IHO1: variants seen among roughly 807,000 people sequenced by gnomAD.
The protein encoded by IHO1 is interactor of HORMAD1 1, also known as interactor of HORMAD1 protein 1.
Under a neutral mutation model 31.0 loss-of-function variants are expected in IHO1, and 13 were observed. The observed-to-expected ratio is 0.42, with a 90% CI of 0.27 to 0.67. The LOEUF (loss-of-function observed/expected upper bound fraction) is 0.67, where lower values mean the gene tolerates loss of function less well. Ranked by LOEUF, IHO1 falls within the 30% of genes least tolerant of loss-of-function variation. The probability of loss-of-function intolerance (pLI) is 0.24; values close to 1 mark genes in which losing one functional copy is unlikely to be tolerated. For synonymous variants in IHO1, 221 were observed against 248.4 expected, an observed-to-expected ratio of 0.89 and a Z score of 1.04; for missense variants, 599 against 687.5, an observed-to-expected ratio of 0.87 and a Z score of 1.44.
At chr3:49,191,675 C>T in the IHO1 span, 10 of 1,523,006 alleles carry the variant, frequency 6.6e-6, no homozygotes, top group Non-Finnish European at 9.0e-6. Flanking sequence ...ACTTCACCGG[C>T]ATGACTCAGT....
chr3:49,203,022 C>T (rs1033149976), intron 1 of IHO1, among the ~76,000 whole-genome samples: 9 of 151,942 alleles, frequency 5.9e-5, no homozygotes, highest in Non-Finnish European at 2.9e-5. Context: ...GCCACCGCGC[C>T]CGGCCAATTT....
At chr3:49,254,840 G>A (rs560937164) in intron 6 of IHO1, among the ~76,000 whole-genome samples, 7 of 152,216 alleles carry the variant, frequency 4.6e-5, no homozygotes. Flanking sequence ...GAGGCGGGCA[G>A]ATCACCGGAG....
chr3:49,211,642 T>G (rs2046218077), intron 1 of IHO1, 124 bp from the exon 2 acceptor site: 3 of 364,758 alleles, frequency 8.2e-6, no homozygotes, highest in Non-Finnish European at 1.5e-5. Context: ...AAAACAGAAA[T>G]TTTCACTAAT....
At position 49,230,240 on chromosome 3, in the gene IHO1, A is replaced by G. The variant is rs967460634; in HGVS notation, c.57-6308A>G. On this transcript the variant is annotated intron_variant, in intron 2 of 7. Transcript: ENST00000452691. ...CCTTTGGAATTCTCCAGTCTTTGTT[A>G]TTAAGAAAAAATCAGGTAAATGGAG... is the stretch of plus-strand genomic sequence containing the variant. 2.6e-5 allele frequency among the ~76,000 whole-genome samples: 4 copies of G among 152,224 alleles called. No homozygotes were observed. In the South Asian group the frequency reaches 8.3e-4, roughly 32 times the overall value.
chr3:49,240,788 A>G (rs771583260), intron 3 of IHO1, among the ~76,000 whole-genome samples: 1 of 152,234 alleles, frequency 6.6e-6, no homozygotes, highest in African/African-American at 2.4e-5. Flanking sequence ...GAATGCAGAA[A>G]GTGGCTCACC....
At chr3:49,196,831 T>C (rs1575558802), upstream of IHO1, among the ~76,000 whole-genome samples, 4 of 145,936 alleles carry the variant, frequency 2.7e-5, no homozygotes, top group South Asian at 2.2e-4. Flanking sequence ...CCACCACGCC[T>C]GGCTAATTTT....
At chr3:49,199,677 C>T (rs1383465045) in intron 1 of IHO1, 104 bp downstream of exon 1, 2 of 152,314 alleles carry the variant, frequency 1.3e-5, no homozygotes, top group Non-Finnish European at 2.9e-5. Flanking sequence ...ACCAGCGGTC[C>T]TCCCGGGCTT....
intron 1 of IHO1, chr3:49,200,523 A>AGGAAGGAAGGAAGG (rs1575561036): frequency 1.2e-6 from 1 of 823,844 alleles, no homozygotes; most frequent in South Asian, 6.0e-5. Context: ...AAGAAAAGAA[A>AGGAAGGAAGGAAGG]AAAGATTGTC....
chr3:49,236,308 G>T (rs1445540807), intron 2 of IHO1, among the ~76,000 whole-genome samples: 1 of 152,196 alleles, frequency 6.6e-6, no homozygotes, highest in African/African-American at 2.4e-5. Flanking sequence ...GTTATACAAA[G>T]AATGATGATG....
chr3:49,203,263 C>T (rs962123861), intron 1 of IHO1, among the ~76,000 whole-genome samples: 7 of 152,088 alleles, frequency 4.6e-5, no homozygotes, highest in Non-Finnish European at 7.3e-5. Context: ...GGGTGCAGCA[C>T]GCAAAAGCGA....
At chr3:49,191,840 A>C in the IHO1 span, 1 of 1,474,474 alleles carries the variant, frequency 6.8e-7, no homozygotes, top group Non-Finnish European at 9.2e-7. Flanking sequence ...CAGGAAAGAG[A>C]ATCTCTGGAG....
chr3:49,230,568 A>G (rs1426854626), intron 2 of IHO1, among the ~76,000 whole-genome samples: 4 of 152,200 alleles, frequency 2.6e-5, no homozygotes, highest in Non-Finnish European at 5.9e-5. Context: ...AAATTTTCAC[A>G]GTGTTACATT....
chr3:49,224,408 G>A (rs2046393108), intron 2 of IHO1, among the ~76,000 whole-genome samples: 1 of 152,206 alleles, frequency 6.6e-6, no homozygotes, highest in Admixed American at 6.5e-5. Context: ...TTTTTGCACT[G>A]TGTGCAATAA....
intron 2 of IHO1, among the ~76,000 whole-genome samples, chr3:49,217,642 TAAA>T (rs3083866): frequency 0.11 from 16,887 of 147,214 alleles, 1,021 homozygotes; most frequent in African/African-American, 0.15. Context: ...TAAAGTATAA[TAAA>T]AAAAAAAAAA....
intron 4 of IHO1, among the ~76,000 whole-genome samples, chr3:49,242,751 G>A (rs1007303922): frequency 6.6e-6 from 1 of 152,082 alleles, no homozygotes; most frequent in Admixed American, 6.6e-5. Flanking sequence ...GTTGCAGGGA[G>A]CCTAGATTGC....
chr3:49,191,698 A>G, the IHO1 span: 3 of 1,586,806 alleles, frequency 1.9e-6, no homozygotes, highest in Non-Finnish European at 2.6e-6. Flanking sequence ...GATTTCAGGT[A>G]CAACCAGAGG....
intron 1 of IHO1, among the ~76,000 whole-genome samples, chr3:49,203,702 C>T (rs778872297): frequency 1.3e-5 from 2 of 152,104 alleles, no homozygotes; most frequent in Non-Finnish European, 2.9e-5. Context: ...TCAAATTTTA[C>T]TTGGTATTCT....
chr3:49,257,065 A>G lies in IHO1; in HGVS notation c.1568A>G (p.Asn523Ser), dbSNP rs1212321981. The change falls in exon 8 of 8, where the codon AAT becomes AGT. Residue 523 changes from asparagine to serine, a missense_variant. Coordinates refer to ENST00000452691, the MANE Select transcript of IHO1 (RefSeq NM_001135197.2). ...ATTCTGGGAGGAACAGTCATGCCCA[A>G]TAAGACAGTAAGGGCAGTGCAGGGA... ...CPILGGTVMP[N>S]KTVRAVQGRL... 6.2e-7 allele frequency: 1 copy of G among 1,614,222 alleles called. No homozygotes were observed. The highest frequency in any genetic ancestry group is 1.1e-5 in the South Asian group (1 of 91,086).
At chr3:49,232,847 AT>A (rs2046499919) in intron 2 of IHO1, among the ~76,000 whole-genome samples, 2 of 152,184 alleles carry the variant, frequency 1.3e-5, no homozygotes, top group South Asian at 2.1e-4. Context: ...GAACAATTAT[AT>A]TTATTGGGCG....
Sources: allele counts gnomAD v4.1 joint callset (sites outside exome capture counted in the v4.1 genomes callset), GRCh38; gene constraint gnomAD v4.1.1; transcripts MANE v1.5; gene names NCBI Gene and HGNC (gene_info 2026-07-23, HGNC 2026-07-21).